CTDSPL2: variants seen among roughly 807,000 people sequenced by gnomAD.
CTDSPL2 encodes the protein CTD small phosphatase-like protein 2.
CTDSPL2 carries 5 observed loss-of-function variants against 60.0 expected under a neutral mutation model. That is an observed-to-expected ratio of 0.08 (90% confidence interval 0.04 to 0.18). The LOEUF is 0.18. CTDSPL2 is among the 10% of genes least tolerant of loss of function. CTDSPL2 has a pLI of 1.00. For missense variants in CTDSPL2, 370 were observed against 548.8 expected, an observed-to-expected ratio of 0.67 and a Z score of 3.26; for synonymous variants, 186 against 189.3, an observed-to-expected ratio of 0.98 and a Z score of 0.14.
At chr15:44,433,192 A>G (rs142795787) in intron 1 of CTDSPL2, among the ~76,000 whole-genome samples, 1,713 of 151,544 alleles carry the variant, frequency 0.011, 20 homozygotes, top group South Asian at 0.02. Flanking sequence ...ACTCACATCT[A>G]TAGTCCCAGC....
At chr15:44,455,733 G>A (rs1020167560) in intron 1 of CTDSPL2, among the ~76,000 whole-genome samples, 4 of 151,150 alleles carry the variant, frequency 2.6e-5, no homozygotes, top group African/African-American at 9.7e-5. Flanking sequence ...TTATTGATTT[G>A]CGTATGTTGA....
chr15:44,455,106 G>A (rs1402691133), intron 1 of CTDSPL2, among the ~76,000 whole-genome samples: 1 of 152,186 alleles, frequency 6.6e-6, no homozygotes, highest in Non-Finnish European at 1.5e-5. Context: ...TCATTGAGCA[G>A]TGGTTTGTAG....
intron 8 of CTDSPL2, among the ~76,000 whole-genome samples, chr15:44,504,640 G>A (rs1466976003): frequency 6.6e-6 from 1 of 151,874 alleles, no homozygotes; most frequent in Non-Finnish European, 1.5e-5. Flanking sequence ...AGGCTGAGGT[G>A]AGAGGAATGC....
rs973367932 is a variant in CTDSPL2 at position 44,476,409 on chromosome 15, T to C, written c.187-7815T>C. On this transcript the variant is annotated intron_variant, in intron 2 of 12. Transcript: ENST00000260327. Reference sequence around the variant, plus strand: ...TATTACTAAATTCTGAAATAACTTTTATGTAAAACTTAAAATTTAGAAGTA... The same window carrying C: ...TATTACTAAATTCTGAAATAACTTTCATGTAAAACTTAAAATTTAGAAGTA... Among the ~76,000 whole-genome samples the C allele has an allele frequency of 3.9e-5, 6 of 152,182 alleles. No individual in the cohort carries two copies. In the East Asian group the frequency reaches 7.7e-4, roughly 20 times the overall value.
At chr15:44,517,796 T>G (rs1246620532) in intron 10 of CTDSPL2, among the ~76,000 whole-genome samples, 1 of 152,244 alleles carries the variant, frequency 6.6e-6, no homozygotes. Flanking sequence ...CCTTTCCAGT[T>G]TCCTCATATC....
At chr15:44,487,029 A>C (rs554938322) in intron 4 of CTDSPL2, among the ~76,000 whole-genome samples, 1 of 152,194 alleles carries the variant, frequency 6.6e-6, no homozygotes. Context: ...CGGATTCCCA[A>C]AGTGCTGGAA....
intron 2 of CTDSPL2, among the ~76,000 whole-genome samples, chr15:44,474,206 A>T (rs2080866373): frequency 6.6e-6 from 1 of 152,192 alleles, no homozygotes; most frequent in Non-Finnish European, 1.5e-5. Context: ...CAGGTGCGGT[A>T]GCTCACGCCT....
chr15:44,485,690 T>C (rs2081106245), intron 3 of CTDSPL2, among the ~76,000 whole-genome samples: 1 of 152,216 alleles, frequency 6.6e-6, no homozygotes, highest in Non-Finnish European at 1.5e-5. Flanking sequence ...TAGGGACCCC[T>C]GCTTTAGAGT....
intron 2 of CTDSPL2, among the ~76,000 whole-genome samples, chr15:44,465,375 AAAT>A (rs1370209724): frequency 3.3e-4 from 50 of 152,284 alleles, no homozygotes; most frequent in Middle Eastern, 3.4e-3. Context: ...ATTCTTAACT[AAAT>A]GATGTTACAG....
intron 2 of CTDSPL2, among the ~76,000 whole-genome samples, chr15:44,462,043 G>A (rs2080582338): frequency 6.6e-6 from 1 of 152,126 alleles, no homozygotes; most frequent in African/African-American, 2.4e-5. Context: ...CCCAGCTCAG[G>A]TGATGCTCCC....
In CTDSPL2 at chr15:44,474,104, A is replaced by G. The variant is rs868484514; in HGVS notation, c.187-10120A>G. Among the ~76,000 whole-genome samples the G allele has an allele frequency of 3.3e-5, 5 of 152,202 alleles. No individual in the cohort carries two copies. In the South Asian group the frequency reaches 1.0e-3, roughly 31 times the overall value. On this transcript the variant is annotated intron_variant, in intron 2 of 12. Transcript: ENST00000260327. ...CGCCTTCCCAAAGTGCAAGGATTAC[A>G]GGAGTGAGCCACCACCCACAGAATG... is the stretch of plus-strand genomic sequence containing the variant.
At chr15:44,510,319 A>G (rs2081544630) in intron 8 of CTDSPL2, among the ~76,000 whole-genome samples, 1 of 152,134 alleles carries the variant, frequency 6.6e-6, no homozygotes, top group Admixed American at 6.5e-5. Context: ...TTTTACAGAT[A>G]TTCTGATAGA....
intron 1 of CTDSPL2, among the ~76,000 whole-genome samples, chr15:44,457,486 AT>A (rs2140689475): frequency 6.6e-6 from 1 of 152,074 alleles, no homozygotes; most frequent in South Asian, 2.1e-4. Context: ...GTTTAAGGGA[AT>A]GCTGTGGCTG....
chr15:44,453,353 G>A (rs2080368041), intron 1 of CTDSPL2, among the ~76,000 whole-genome samples: 1 of 152,068 alleles, frequency 6.6e-6, no homozygotes, highest in African/African-American at 2.4e-5. Context: ...ATATGAAAGG[G>A]TGTTGGATTT....
At chr15:44,458,951 C>T in intron 1 of CTDSPL2, 40 bp from the exon 2 acceptor site, 1 of 1,301,802 alleles carries the variant, frequency 7.7e-7, no homozygotes, top group Non-Finnish European at 1.0e-6. Flanking sequence ...AATTTAATAA[C>T]TTTTAATTTT....
At chr15:44,443,087 C>A (rs2080125810) in intron 1 of CTDSPL2, among the ~76,000 whole-genome samples, 1 of 152,116 alleles carries the variant, frequency 6.6e-6, no homozygotes, top group Non-Finnish European at 1.5e-5. Context: ...CTGTGTTAAA[C>A]CATTTTAACC....
chr15:44,510,860 T>C (rs2081553913), intron 8 of CTDSPL2, among the ~76,000 whole-genome samples: 1 of 152,242 alleles, frequency 6.6e-6, no homozygotes, highest in Non-Finnish European at 1.5e-5. Flanking sequence ...CATTGTATTA[T>C]ATGTACCTGA....
chr15:44,482,510 A>C (rs117886936), intron 2 of CTDSPL2, among the ~76,000 whole-genome samples: 152 of 152,330 alleles, frequency 1.0e-3, no homozygotes, highest in Middle Eastern at 6.8e-3. Context: ...GACTTAATGT[A>C]GTTGAAACTG....
At chr15:44,484,581 A>G (rs992046137) in intron 3 of CTDSPL2, among the ~76,000 whole-genome samples, 3 of 152,300 alleles carry the variant, frequency 2.0e-5, no homozygotes, top group Middle Eastern at 3.4e-3. Flanking sequence ...TTAAAATCAC[A>G]CACAAAAAAT....
Sources: allele counts gnomAD v4.1 joint callset (sites outside exome capture counted in the v4.1 genomes callset), GRCh38; gene constraint gnomAD v4.1.1; transcripts MANE v1.5; gene names NCBI Gene and HGNC (gene_info 2026-07-23, HGNC 2026-07-21).